Variants in TMEM114 observed in about 807,000 individuals in gnomAD.
TMEM114 encodes transmembrane protein 114.
TMEM114 carries 6 observed loss-of-function variants against 6.2 expected under a neutral mutation model. That is an observed-to-expected ratio of 0.97 (90% CI 0.53 to 1.91). The LOEUF is 1.91. Among genes scored for constraint, TMEM114 ranks in the 40% most tolerant of loss-of-function variants. The probability of loss-of-function intolerance (pLI) is 0.01; values close to 1 mark genes in which losing one functional copy is unlikely to be tolerated. For synonymous variants in TMEM114, 104 were observed against 73.0 expected, an observed-to-expected ratio of 1.42 and a Z score of -2.16; for missense variants, 218 against 158.3, an observed-to-expected ratio of 1.38 and a Z score of -2.02.
chr16:8,530,375 G>C, the TMEM114 span, among the ~76,000 whole-genome samples: 1 of 152,174 alleles, frequency 6.6e-6, no homozygotes, highest in African/African-American at 2.4e-5. Flanking sequence ...GGGTCTCAGA[G>C]TTCCCATCTC....
chr16:8,528,624 G>C, the TMEM114 span, among the ~76,000 whole-genome samples: 1 of 152,140 alleles, frequency 6.6e-6, no homozygotes. Context: ...ATAATGAGGG[G>C]ATAACCCGGT....
At chr16:8,566,359 A>G (rs1317040559), downstream of TMEM114, among the ~76,000 whole-genome samples, 2 of 140,756 alleles carry the variant, frequency 1.4e-5, no homozygotes, top group Admixed American at 1.5e-4. Context: ...CCTGGGTGAC[A>G]GAGCTAGACG....
At chr16:8,528,819 G>C in the TMEM114 span, among the ~76,000 whole-genome samples, 1 of 152,242 alleles carries the variant, frequency 6.6e-6, no homozygotes, top group Non-Finnish European at 1.5e-5. Context: ...CACGCGCTCT[G>C]TGTGTGCTTC....
At chr16:8,567,654 A>C (rs892314846), downstream of TMEM114, among the ~76,000 whole-genome samples, 34 of 152,146 alleles carry the variant, frequency 2.2e-4, no homozygotes, top group African/African-American at 7.7e-4. Context: ...ACTGTCTCCA[A>C]ACACTGCCAA....
Position 8,549,982 on chromosome 16 carries a change from C to G in TMEM114, n.213-12156G>C, listed in dbSNP as rs539407067. Among the ~76,000 whole-genome samples, 5 of 152,314 alleles carry G rather than the reference C, an allele frequency of 3.3e-5. No individual in the cohort carries two copies. In the East Asian group the frequency reaches 5.8e-4, roughly 18 times the overall value. On this transcript the variant is annotated intron_variant and non_coding_transcript_variant, in intron 2 of 2. Coordinates refer to the TMEM114 transcript ENST00000623677. ...AAAACCAGGGAAGCCGACAGTGCAG[C>G]CTTCAGTCTGTAGCCAAAGGCCCAA...
At chr16:8,538,067 G>T (rs1900412752) in intron 2 of TMEM114, among the ~76,000 whole-genome samples, 1 of 144,642 alleles carries the variant, frequency 6.9e-6, no homozygotes, top group Non-Finnish European at 1.5e-5. Flanking sequence ...GTGAGGCCAG[G>T]GCAGGTAGAT....
intron 2 of TMEM114, among the ~76,000 whole-genome samples, chr16:8,562,810 A>AAATGAGTGAGGGAGGGAGGG (rs1901309075): frequency 1.7e-5 from 2 of 121,000 alleles, no homozygotes; most frequent in East Asian, 2.8e-4. Context: ...ATGAGTGAGT[A>AAATGAGTGAGGGAGGGAGGG]AATGAGTGAG....
the TMEM114 span, among the ~76,000 whole-genome samples, chr16:8,530,604 A>G: frequency 1.3e-5 from 2 of 152,008 alleles, no homozygotes; most frequent in Non-Finnish European, 2.9e-5. Context: ...GAAGGAAGGA[A>G]GAAGGGAAGG....
At chr16:8,555,821 A>G (rs1353400314) in intron 2 of TMEM114, among the ~76,000 whole-genome samples, 1 of 152,170 alleles carries the variant, frequency 6.6e-6, no homozygotes, top group African/African-American at 2.4e-5. Flanking sequence ...CAAACAGCCT[A>G]CAATACAGAA....
chr16:8,563,373 ATGAGTGAATGAG>A (rs1217819239), intron 2 of TMEM114, among the ~76,000 whole-genome samples: 5 of 114,062 alleles, frequency 4.4e-5, no homozygotes, highest in East Asian at 5.9e-4. Flanking sequence ...GAGGGAGGGA[ATGAGTGAATGAG>A]TGAGTGAATG....
At chr16:8,553,606 C>T (rs965598490) in intron 2 of TMEM114, among the ~76,000 whole-genome samples, 6 of 152,176 alleles carry the variant, frequency 3.9e-5, no homozygotes, top group Admixed American at 1.3e-4. Flanking sequence ...CTGCCTCAGC[C>T]TCCCAAGTAG....
intron 2 of TMEM114, among the ~76,000 whole-genome samples, chr16:8,538,594 A>G (rs926614290): frequency 1.3e-5 from 2 of 151,974 alleles, no homozygotes; most frequent in South Asian, 2.1e-4. Flanking sequence ...TGCAAACTCC[A>G]CATCTTGGGT....
chr16:8,534,644 C>A (rs1366511927), downstream of TMEM114, among the ~76,000 whole-genome samples: 3 of 152,176 alleles, frequency 2.0e-5, no homozygotes, highest in African/African-American at 7.2e-5. Flanking sequence ...GGCAGAGGTG[C>A]TGGTGGATAG....
chr16:8,535,965 C>T (rs567983430), downstream of TMEM114, among the ~76,000 whole-genome samples: 1 of 152,122 alleles, frequency 6.6e-6, no homozygotes, highest in Non-Finnish European at 1.5e-5. Flanking sequence ...GTGGCTTATG[C>T]CTGTAATCCC....
chr16:8,546,244 T>C (rs1900661351), intron 2 of TMEM114, among the ~76,000 whole-genome samples: 2 of 152,260 alleles, frequency 1.3e-5, no homozygotes, highest in African/African-American at 4.8e-5. Flanking sequence ...GTATACTTTA[T>C]AGAATTTCTT....
chr16:8,553,820 C>T (rs1900920955), intron 2 of TMEM114, among the ~76,000 whole-genome samples: 1 of 152,062 alleles, frequency 6.6e-6, no homozygotes, highest in Admixed American at 6.6e-5. Flanking sequence ...CCACCTCAGC[C>T]TCCCAAGTAG....
intron 2 of TMEM114, 94 bp downstream of exon 2, chr16:8,589,119 C>T (rs1206992346): frequency 5.0e-6 from 2 of 397,516 alleles, no homozygotes; most frequent in Non-Finnish European, 8.9e-6. Flanking sequence ...CCGCCCTCTC[C>T]GCAGGCCCCG....
downstream of TMEM114, among the ~76,000 whole-genome samples, chr16:8,567,693 G>C (rs1034391798): frequency 3.9e-5 from 6 of 152,184 alleles, no homozygotes; most frequent in Non-Finnish European, 5.9e-5. Flanking sequence ...AATCGCCCCA[G>C]CTGAGAACTC....
chr16:8,589,793 C>A lies in TMEM114; in HGVS notation c.46G>T (p.Gly16Trp), dbSNP rs1019913200. 1 of 398,326 alleles carries A rather than the reference C, an allele frequency of 2.5e-6. No individual in the cohort carries two copies. The highest frequency in any genetic ancestry group is 4.4e-6 in the Non-Finnish European group (1 of 225,934). 24.7% of individuals were successfully genotyped at this position (398,326 alleles called of 1,614,324 possible). Residue 16 changes from glycine to tryptophan, a missense_variant, in exon 1 of 4, where the codon GGG becomes TGG. Coordinates refer to ENST00000620492, the MANE Select transcript of TMEM114 (RefSeq NM_001146336.2). ...GCCAGGAGCACAAAGCTGAGCGCCC[C>A]GGTCAGCGCAGCCGCGCCGGCCAGC... ...GGLAGAAALT[G>W]ALSFVLLAAA...
Sources: allele counts gnomAD v4.1 joint callset (sites outside exome capture counted in the v4.1 genomes callset), GRCh38; gene constraint gnomAD v4.1.1; transcripts MANE v1.5; gene names NCBI Gene and HGNC (gene_info 2026-07-23, HGNC 2026-07-21).